The following RBFOX1 variants were observed in gnomAD, a reference collection of about 807,000 sequenced individuals.
RBFOX1 encodes RNA binding protein fox-1 homolog 1.
Under a neutral mutation model 57.7 loss-of-function variants are expected in RBFOX1, and 8 were observed. That is an observed-to-expected ratio of 0.14 (90% CI 0.08 to 0.25). RBFOX1 has a LOEUF of 0.25. Ranked by LOEUF, RBFOX1 falls within the 10% of genes least tolerant of loss-of-function variation. The pLI is 1.00. For synonymous variants in RBFOX1, 326 were observed against 222.4 expected, an observed-to-expected ratio of 1.47 and a Z score of -4.15; for missense variants, 611 against 548.5, an observed-to-expected ratio of 1.11 and a Z score of -1.14.
intron 4 of RBFOX1, among the ~76,000 whole-genome samples, chr16:7,213,312 G>A (rs151241368): frequency 9.9e-4 from 150 of 152,198 alleles, no homozygotes; most frequent in African/African-American, 3.5e-3. Flanking sequence ...AAATCACGTT[G>A]CATGGATCCA....
intron 3 of RBFOX1, among the ~76,000 whole-genome samples, chr16:6,897,534 C>T (rs2067242857): frequency 6.6e-6 from 1 of 152,234 alleles, no homozygotes; most frequent in African/African-American, 2.4e-5. Context: ...TGGCTCACGC[C>T]TGTAATCCCA....
At chr16:5,265,336 A>G (rs1372885957) in intron 1 of RBFOX1, among the ~76,000 whole-genome samples, 3 of 132,674 alleles carry the variant, frequency 2.3e-5, no homozygotes, top group Admixed American at 1.5e-4. Flanking sequence ...TGCTAGTGGT[A>G]GAACCACCTT....
intron 3 of RBFOX1, among the ~76,000 whole-genome samples, chr16:6,698,428 G>A (rs2061360521): frequency 1.3e-5 from 2 of 152,142 alleles, no homozygotes; most frequent in African/African-American, 2.4e-5. Context: ...GACCATTCTT[G>A]TGAAGTTCTC....
intron 2 of RBFOX1, among the ~76,000 whole-genome samples, chr16:5,572,217 C>T (rs970480461): frequency 1.3e-5 from 2 of 152,192 alleles, no homozygotes; most frequent in African/African-American, 4.8e-5. Context: ...ACTTATACTT[C>T]TGTGGCTCAG....
chr16:7,383,904 A>G (rs774155412), intron 4 of RBFOX1, among the ~76,000 whole-genome samples: 3 of 152,118 alleles, frequency 2.0e-5, no homozygotes, highest in Non-Finnish European at 2.9e-5. Context: ...AATACAAAAA[A>G]TTAGCTGGGC....
At position 7,047,716 on chromosome 16, in the gene RBFOX1, C is replaced by CT. The variant is rs55636828; in HGVS notation, c.-15-4312dup. On this transcript the variant is annotated intron_variant, in intron 3 of 15. Transcript: ENST00000550418. ...TATTTGTTCCACAGGTCCTGCATTT[C>CT]TTTTTTTTTTTTTTTTTTTTTTTTT... Among the ~76,000 whole-genome samples, 27 of 47,926 alleles carry CT rather than the reference C, an allele frequency of 5.6e-4. 1 individual carries two copies. Among genetic ancestry groups the CT allele is most frequent in the South Asian group, 8.0e-4 (1 of 1,246 alleles). 31.4% of individuals were successfully genotyped at this position (47,926 alleles called of 152,430 possible).
intron 3 of RBFOX1, among the ~76,000 whole-genome samples, chr16:5,692,953 A>T (rs944008920): frequency 6.6e-6 from 1 of 152,228 alleles, no homozygotes; most frequent in South Asian, 2.1e-4. Context: ...AGAAGCATTT[A>T]GACGGCTTTG....
Position 5,663,397 on chromosome 16 carries a change from G to A in RBFOX1, c.318+64436G>A, listed in dbSNP as rs1293833439. On this transcript the variant is annotated intron_variant, in intron 3 of 19. Transcript: ENST00000641259. Reference sequence around the variant, plus strand: ...TTTTTTTTTTTTTTTTAGAAATGGGGTCTCACTATGTTGGCCAGGCTGTCC... The same window carrying A: ...TTTTTTTTTTTTTTTTAGAAATGGGATCTCACTATGTTGGCCAGGCTGTCC... 2.7e-5 allele frequency among the ~76,000 whole-genome samples: 4 copies of A among 150,886 alleles called. No homozygotes were observed. The South Asian group carries it at 8.4e-4, about 32-fold the overall frequency.
Position 7,579,873 on chromosome 16 carries a change from A to T in RBFOX1, c.367A>T (p.Asn123Tyr). ...KSQPKRLHVSNIPFRFRDPDL... is the reference protein window; with the variant it reads ...KSQPKRLHVSYIPFRFRDPDL... ...TCAGCCCAAGCGGCTGCATGTCTCC[A>T]ATATCCCCTTCAGGTTCCGGGATCC... Residue 123 changes from asparagine (N) to tyrosine (Y), a missense_variant, in exon 6 of 16, where the codon AAT becomes TAT. Physicochemically the swap from Asn to Tyr is moderately radical, Grantham distance 143. This residue lies in a region of RBFOX1 where 99 missense variants were observed against 160.3 expected (regional missense o/e 0.62). Transcript: ENST00000550418. The T allele has an allele frequency of 6.2e-7, 1 of 1,614,100 alleles. No homozygotes were observed. Among genetic ancestry groups the T allele is most frequent in the Non-Finnish European group, 8.5e-7 (1 of 1,179,972 alleles).
At chr16:6,326,646 T>G (rs1229242088) in intron 2 of RBFOX1, among the ~76,000 whole-genome samples, 1 of 152,194 alleles carries the variant, frequency 6.6e-6, no homozygotes, top group East Asian at 1.9e-4. Flanking sequence ...AAACCTGCAC[T>G]CTGTGCAGAA....
chr16:7,595,713 A>C, intron 8 of RBFOX1, 72 bp downstream of exon 8: 1 of 1,281,788 alleles, frequency 7.8e-7, no homozygotes, highest in Non-Finnish European at 1.1e-6. Context: ...GTTGTTCCAG[A>C]TGCATCATTG....
At chr16:7,453,437 G>A (rs550452497) in intron 4 of RBFOX1, among the ~76,000 whole-genome samples, 15 of 152,160 alleles carry the variant, frequency 9.9e-5, no homozygotes, top group Middle Eastern at 3.4e-3. Flanking sequence ...GGCCATGATC[G>A]GGAGTTATGA....
In RBFOX1 at chr16:7,252,897, G is replaced by A. The variant is rs181770209; in HGVS notation, c.27+200799G>A. 1.7e-3 allele frequency among the ~76,000 whole-genome samples: 259 copies of A among 152,104 alleles called. 1 individual carries two copies. Among genetic ancestry groups the A allele is most frequent in the African/African-American group, 5.8e-3 (240 of 41,490 alleles). On this transcript the variant is annotated intron_variant, in intron 4 of 15. Coordinates refer to ENST00000550418, the MANE Select transcript of RBFOX1 (RefSeq NM_018723.4). ...TGACCTACCCATATTTGGCAGAGCCGTTATCTTAGAGCCTCCAAAAATGCA... is the reference window on the plus strand; with the variant it reads ...TGACCTACCCATATTTGGCAGAGCCATTATCTTAGAGCCTCCAAAAATGCA...
At chr16:6,627,095 G>A (rs952432450) in intron 2 of RBFOX1, among the ~76,000 whole-genome samples, 3 of 152,178 alleles carry the variant, frequency 2.0e-5, no homozygotes, top group Admixed American at 1.3e-4. Context: ...ATCCATGGCC[G>A]CTGAACACAA....
intron 4 of RBFOX1, among the ~76,000 whole-genome samples, chr16:7,296,025 A>G (rs1268443104): frequency 6.6e-6 from 1 of 151,904 alleles, no homozygotes; most frequent in African/African-American, 2.4e-5. Context: ...TCTCCTCGTG[A>G]TAGCTAACAA....
chr16:5,406,950 A>C (rs960579257), intron 1 of RBFOX1, among the ~76,000 whole-genome samples: 3 of 152,180 alleles, frequency 2.0e-5, no homozygotes, highest in Non-Finnish European at 4.4e-5. Context: ...GGCTTCCCTG[A>C]GGAAGTGACA....
intron 1 of RBFOX1, among the ~76,000 whole-genome samples, chr16:6,270,488 G>C (rs950547302): frequency 3.4e-5 from 5 of 147,944 alleles, no homozygotes; most frequent in Non-Finnish European, 7.4e-5. Flanking sequence ...ACTAGAAATA[G>C]AGACGATATG....
intron 1 of RBFOX1, among the ~76,000 whole-genome samples, chr16:5,281,928 G>A (rs2063281245): frequency 6.6e-6 from 1 of 152,148 alleles, no homozygotes; most frequent in Non-Finnish European, 1.5e-5. Flanking sequence ...ATTATTGATA[G>A]GTGAGGACTT....
chr16:5,342,550 C>G (rs909813936), intron 1 of RBFOX1, among the ~76,000 whole-genome samples: 3 of 152,098 alleles, frequency 2.0e-5, no homozygotes, highest in Non-Finnish European at 2.9e-5. Flanking sequence ...AGAAATGAGG[C>G]AATTCATGTA....
Sources: gnomAD v4.1 joint callset for allele counts (sites outside exome capture counted in the v4.1 genomes callset) on GRCh38, gnomAD v4.1.1 for gene constraint, gnomAD v4.1.1 regional missense constraint, MANE v1.5 for transcripts, NCBI Gene and HGNC (gene_info 2026-07-23, HGNC 2026-07-21) for gene names.